Variants in KIAA1217 observed in about 807,000 individuals in gnomAD.
KIAA1217 encodes the protein sickle tail protein homolog.
Under a neutral mutation model 163.9 loss-of-function variants are expected in KIAA1217, and 88 were observed. The ratio of observed to expected loss-of-function variants is 0.54; its 90% confidence interval spans 0.45 to 0.64. The LOEUF is 0.64. Ranked by LOEUF, KIAA1217 falls within the 30% of genes least tolerant of loss-of-function variation. KIAA1217 has a pLI of 0.00. For synonymous variants in KIAA1217, 903 were observed against 923.1 expected (o/e 0.98, Z 0.39); for missense variants, 2,372 against 2,475.0 (o/e 0.96, Z 0.88).
At position 24,503,768 on chromosome 10, in the gene KIAA1217, C is replaced by G. The variant is rs182184230; in HGVS notation, c.2001+2223C>G. Among the ~76,000 whole-genome samples, 20 of 152,362 alleles carry G rather than the reference C, an allele frequency of 1.3e-4. No homozygotes were observed. In the East Asian group the frequency reaches 3.9e-3, roughly 29 times the overall value. ...GAGGGGGCCTATCGGCTCCCAAGTT[C>G]GTTCTTACCTGGGGCTCCTGGAGGT... On this transcript the variant is annotated intron_variant, in intron 9 of 20. Transcript: ENST00000376454.
chr10:24,068,406 A>G (rs2061054346), intron 2 of KIAA1217, among the ~76,000 whole-genome samples: 1 of 152,100 alleles, frequency 6.6e-6, no homozygotes. Context: ...CTCACTGAGC[A>G]TTTTGGTGAC....
intron 2 of KIAA1217, among the ~76,000 whole-genome samples, chr10:24,043,078 G>T (rs1219951843): frequency 6.6e-6 from 1 of 152,114 alleles, no homozygotes; most frequent in Non-Finnish European, 1.5e-5. Flanking sequence ...GTGGATATTT[G>T]CCCAGGAATT....
chr10:23,951,565 A>G (rs1380931418), intron 1 of KIAA1217, among the ~76,000 whole-genome samples: 2 of 152,068 alleles, frequency 1.3e-5, no homozygotes, highest in Non-Finnish European at 1.5e-5. Flanking sequence ...AAGTGGGAGA[A>G]TTGCTTGAGC....
chr10:24,508,388 G>T (rs2068647822), intron 9 of KIAA1217, among the ~76,000 whole-genome samples: 1 of 152,156 alleles, frequency 6.6e-6, no homozygotes, highest in Non-Finnish European at 1.5e-5. Flanking sequence ...AGAAAACATA[G>T]TTAATGGTGA....
chr10:23,699,930 T>TCTAAGTCC (rs1411270359), intron 1 of KIAA1217, among the ~76,000 whole-genome samples: 1 of 152,218 alleles, frequency 6.6e-6, no homozygotes, highest in Admixed American at 6.5e-5. Flanking sequence ...AGCATACTGT[T>TCTAAGTCC]TGGCACACAA....
intron 1 of KIAA1217, among the ~76,000 whole-genome samples, chr10:23,929,976 G>A (rs1490460272): frequency 6.6e-6 from 1 of 151,948 alleles, no homozygotes; most frequent in Non-Finnish European, 1.5e-5. Flanking sequence ...ATTTCCACAG[G>A]GGCTGAACTA....
At chr10:24,137,493 A>C (rs921260514) in intron 2 of KIAA1217, among the ~76,000 whole-genome samples, 1 of 152,194 alleles carries the variant, frequency 6.6e-6, no homozygotes, top group Non-Finnish European at 1.5e-5. Context: ...TTTGAGCAAA[A>C]CTGCTATTCT....
intron 2 of KIAA1217, chr10:24,275,827 A>C (rs1185908132): frequency 4.3e-6 from 2 of 465,558 alleles, no homozygotes; most frequent in South Asian, 3.4e-5. Context: ...TAATGATAAA[A>C]TTTTCCAAAG....
rs184318071 is a variant in KIAA1217 at position 24,063,255 on chromosome 10, G to A, written c.-171+55881G>A. Among the ~76,000 whole-genome samples the A allele has an allele frequency of 5.1e-4, 77 of 152,190 alleles. 4 individuals are homozygous for A. The East Asian group carries it at 0.014, about 29-fold the overall frequency. ...ATGGTATTGCCTAGGTTTTCTTCTA[G>A]GGTTTTTATGGTTTTAGGTCTAACA... On this transcript the variant is annotated intron_variant, in intron 2 of 18. Transcript: ENST00000376462.
intron 2 of KIAA1217, among the ~76,000 whole-genome samples, chr10:24,333,261 G>A (rs1031815965): frequency 2.6e-5 from 4 of 152,108 alleles, no homozygotes; most frequent in Admixed American, 2.6e-4. Context: ...CTGACCTCAA[G>A]TGATCTGCCC....
chr10:24,456,113 C>T (rs1045801160), intron 5 of KIAA1217, among the ~76,000 whole-genome samples: 2 of 152,254 alleles, frequency 1.3e-5, no homozygotes, highest in African/African-American at 4.8e-5. Context: ...TGCAAACTCC[C>T]GAGCTCAAGT....
At chr10:24,023,963 G>A (rs961294377) in intron 2 of KIAA1217, among the ~76,000 whole-genome samples, 3 of 151,356 alleles carry the variant, frequency 2.0e-5, no homozygotes, top group Admixed American at 6.6e-5. Context: ...GTGAGGGGAC[G>A]CAGTATTGAC....
intron 1 of KIAA1217, among the ~76,000 whole-genome samples, chr10:23,943,007 C>G (rs1055459075): frequency 6.6e-6 from 1 of 151,856 alleles, no homozygotes; most frequent in African/African-American, 2.4e-5. Flanking sequence ...ACCTGTAGCC[C>G]CCAGCTACTC....
intron 2 of KIAA1217, among the ~76,000 whole-genome samples, chr10:24,085,307 T>A (rs539364983): frequency 0.12 from 18,579 of 151,996 alleles, 3,041 homozygotes; most frequent in African/African-American, 0.38. Flanking sequence ...TTGAGGGGTT[T>A]AAGGGAGTCA....
At chr10:24,295,715 T>C (rs555189653) in intron 2 of KIAA1217, among the ~76,000 whole-genome samples, 2 of 152,182 alleles carry the variant, frequency 1.3e-5, no homozygotes, top group Non-Finnish European at 2.9e-5. Context: ...GTCTCTTTGT[T>C]GACACTGGTC....
At chr10:24,288,599 A>C (rs1330098704) in intron 2 of KIAA1217, among the ~76,000 whole-genome samples, 1 of 152,234 alleles carries the variant, frequency 6.6e-6, no homozygotes, top group African/African-American at 2.4e-5. Context: ...GCATACAAGG[A>C]GACCAGAGAA....
At chr10:24,416,490 C>T (rs189302114) in intron 3 of KIAA1217, among the ~76,000 whole-genome samples, 1 of 152,326 alleles carries the variant, frequency 6.6e-6, no homozygotes. Flanking sequence ...CACACACAAG[C>T]CTGCCTGGGG....
intron 2 of KIAA1217, among the ~76,000 whole-genome samples, chr10:24,303,605 T>A (rs1264276410): frequency 6.6e-6 from 1 of 152,166 alleles, no homozygotes; most frequent in Non-Finnish European, 1.5e-5. Context: ...ATTCCTGATG[T>A]CATTTACAGA....
At chr10:23,739,912 G>A (rs1839013900) in intron 1 of KIAA1217, among the ~76,000 whole-genome samples, 1 of 152,174 alleles carries the variant, frequency 6.6e-6, no homozygotes, top group South Asian at 2.1e-4. Context: ...AACATTAGAT[G>A]CCAGGTGAAA....
Sources: allele counts gnomAD v4.1 joint callset (sites outside exome capture counted in the v4.1 genomes callset), GRCh38; gene constraint gnomAD v4.1.1; transcripts MANE v1.5; gene names NCBI Gene and HGNC (gene_info 2026-07-23, HGNC 2026-07-21).